Variants in SGCG observed in about 807,000 individuals in gnomAD.
SGCG encodes gamma-sarcoglycan.
Under a neutral mutation model 29.3 loss-of-function variants are expected in SGCG, and 26 were observed. The ratio of observed to expected loss-of-function variants is 0.89; its 90% CI spans 0.65 to 1.23. The LOEUF is 1.23. Among genes scored for constraint, SGCG ranks in the 50% most tolerant of loss-of-function variants. SGCG has a pLI of 0.00. For synonymous variants in SGCG, 145 were observed against 129.7 expected (o/e 1.12, Z -0.80); for missense variants, 353 against 356.0 (o/e 0.99, Z 0.07).
Position 23,257,659 on chromosome 13 carries a change from C to A in SGCG, c.385+6942C>A, listed in dbSNP as rs141152054. On this transcript the variant is annotated intron_variant, in intron 4 of 7. Transcript: ENST00000218867. ...TGAATGTTATTGCCTAGGTTTTCTT[C>A]TAGGGTTTTTATGGTTTTAGGTCTA... 3.9e-3 allele frequency among the ~76,000 whole-genome samples: 591 copies of A among 152,250 alleles called. 3 individuals carry two copies. Among genetic ancestry groups the A allele is most frequent in the Non-Finnish European group, 6.9e-3 (468 of 68,010 alleles).
chr13:23,209,320 G>A (rs569652016), intron 2 of SGCG, among the ~76,000 whole-genome samples: 1 of 152,184 alleles, frequency 6.6e-6, no homozygotes, highest in East Asian at 1.9e-4. Context: ...TAGCAATTAG[G>A]AATTCTCCAT....
chr13:23,269,880 TTTG>T (rs1393905139), intron 4 of SGCG, among the ~76,000 whole-genome samples: 6 of 106,072 alleles, frequency 5.7e-5, no homozygotes, highest in Non-Finnish European at 4.7e-5. Flanking sequence ...TTTTGTTTTT[TTTG>T]TTTTTTTTTG....
intron 2 of SGCG, among the ~76,000 whole-genome samples, chr13:23,210,800 G>A (rs1408032195): frequency 2.6e-5 from 4 of 152,102 alleles, no homozygotes; most frequent in Non-Finnish European, 2.9e-5. Flanking sequence ...TTTATGTATC[G>A]TTATTTCAGT....
At chr13:23,298,568 T>A (rs189809503) in intron 6 of SGCG, among the ~76,000 whole-genome samples, 33 of 152,154 alleles carry the variant, frequency 2.2e-4, no homozygotes, top group Admixed American at 7.2e-4. Context: ...AGGTTTAATT[T>A]TGAAAATGGA....
intron 6 of SGCG, among the ~76,000 whole-genome samples, chr13:23,299,606 C>T (rs1263075606): frequency 3.3e-5 from 5 of 150,936 alleles, no homozygotes; most frequent in African/African-American, 1.2e-4. Context: ...GTGCCTGCCA[C>T]CATGCCTGGC....
chr13:23,295,257 A>G (rs1197122083), intron 5 of SGCG, among the ~76,000 whole-genome samples, 158 bp from the exon 6 acceptor site: 1 of 152,194 alleles, frequency 6.6e-6, no homozygotes, highest in Admixed American at 6.5e-5. Flanking sequence ...GTAGGGAAAG[A>G]GTTGGGCCTA....
At chr13:23,212,879 G>A (rs1352534819) in intron 2 of SGCG, among the ~76,000 whole-genome samples, 1 of 152,146 alleles carries the variant, frequency 6.6e-6, no homozygotes, top group Admixed American at 6.5e-5. Flanking sequence ...AGGGAATACA[G>A]CATGAGTAGC....
rs534413797 is a variant in SGCG at position 23,265,904 on chromosome 13, C to T, written c.386-13455C>T. On this transcript the variant is annotated intron_variant, in intron 4 of 7. Transcript: ENST00000218867. ...AAAAGTAGATTTAACCTAGCAATCC[C>T]ACTGCTGGGTATCTACCCAAAGGAA... is the stretch of plus-strand genomic sequence containing the variant. Among the ~76,000 whole-genome samples the T allele has an allele frequency of 1.3e-3, 198 of 152,242 alleles. 3 individuals carry two copies. Among genetic ancestry groups the T allele is most frequent in the Non-Finnish European group, 2.3e-3 (158 of 68,020 alleles).
intron 5 of SGCG, among the ~76,000 whole-genome samples, chr13:23,294,414 T>C (rs1881829397): frequency 6.6e-6 from 1 of 152,212 alleles, no homozygotes; most frequent in Admixed American, 6.5e-5. Context: ...TCCTGGACAC[T>C]CAGCACATTT....
At chr13:23,275,353 A>G (rs1408666112) in intron 4 of SGCG, among the ~76,000 whole-genome samples, 1 of 151,972 alleles carries the variant, frequency 6.6e-6, no homozygotes, top group Admixed American at 6.6e-5. Flanking sequence ...CATCTCTACT[A>G]AAAATACAAA....
the SGCG span, among the ~76,000 whole-genome samples, chr13:23,168,132 G>A: frequency 6.6e-6 from 1 of 152,128 alleles, no homozygotes; most frequent in Non-Finnish European, 1.5e-5. Context: ...TGTCAGATGG[G>A]TAGTTTGCAA....
chr13:23,197,811 A>C (rs1877571643), intron 1 of SGCG, among the ~76,000 whole-genome samples: 1 of 152,234 alleles, frequency 6.6e-6, no homozygotes, highest in Non-Finnish European at 1.5e-5. Flanking sequence ...AATTGCCAAG[A>C]GTTTTCTATA....
chr13:23,319,351 C>T (rs1431457623), intron 6 of SGCG, among the ~76,000 whole-genome samples: 1 of 151,574 alleles, frequency 6.6e-6, no homozygotes, highest in East Asian at 1.9e-4. Context: ...AGACCATGCA[C>T]ATGGAGCTGT....
intron 2 of SGCG, among the ~76,000 whole-genome samples, chr13:23,209,046 T>A (rs1015378261): frequency 6.6e-6 from 1 of 152,132 alleles, no homozygotes; most frequent in Non-Finnish European, 1.5e-5. Context: ...GAAGGTAAGA[T>A]GAATGATTCT....
intron 5 of SGCG, among the ~76,000 whole-genome samples, chr13:23,279,803 C>G (rs1416467007): frequency 6.6e-6 from 1 of 151,464 alleles, no homozygotes. Flanking sequence ...TCTCGGCTCA[C>G]TGCAACCTTT....
At chr13:23,284,310 A>T (rs1043799017) in intron 5 of SGCG, among the ~76,000 whole-genome samples, 1 of 151,932 alleles carries the variant, frequency 6.6e-6, no homozygotes, top group Admixed American at 6.6e-5. Context: ...ATTCCTTTTC[A>T]TTCTTTTTTC....
intron 4 of SGCG, among the ~76,000 whole-genome samples, chr13:23,260,204 C>T (rs967715823): frequency 2.5e-4 from 38 of 152,092 alleles, no homozygotes; most frequent in African/African-American, 8.9e-4. Flanking sequence ...TCTCTAAGGA[C>T]TTGCTTTATG....
At chr13:23,304,554 CCATT>C (rs1882292364) in intron 6 of SGCG, among the ~76,000 whole-genome samples, 2 of 152,012 alleles carry the variant, frequency 1.3e-5, no homozygotes, top group Non-Finnish European at 2.9e-5. Context: ...ACCGGTCTCT[CCATT>C]CATGAGCCAG....
At chr13:23,209,538 A>C (rs1449751724) in intron 2 of SGCG, among the ~76,000 whole-genome samples, 1 of 152,226 alleles carries the variant, frequency 6.6e-6, no homozygotes, top group East Asian at 1.9e-4. Flanking sequence ...GATTTTTAAA[A>C]CTTAGGAAAG....
Sources: gnomAD v4.1 joint callset for allele counts (sites outside exome capture counted in the v4.1 genomes callset) on GRCh38, gnomAD v4.1.1 for gene constraint, MANE v1.5 for transcripts, NCBI Gene and HGNC (gene_info 2026-07-23, HGNC 2026-07-21) for gene names.